Variants in PLEKHM3 observed in about 807,000 individuals in gnomAD.
PLEKHM3 encodes pleckstrin homology domain containing M3.
In PLEKHM3, 45 loss-of-function variants were observed where a neutral mutation model predicts 81.8. The ratio of observed to expected loss-of-function variants is 0.55; its 90% CI spans 0.43 to 0.71. The LOEUF (loss-of-function observed/expected upper bound fraction) is 0.71, where lower values mean the gene tolerates loss of function less well. Ranked by LOEUF, PLEKHM3 falls within the 30% of genes least tolerant of loss-of-function variation. PLEKHM3 has a pLI of 0.00. For synonymous variants in PLEKHM3, 352 were observed against 356.4 expected (o/e 0.99, Z 0.14); for missense variants, 788 against 924.3 (o/e 0.85, Z 1.91).
intron 4 of PLEKHM3, among the ~76,000 whole-genome samples, chr2:207,942,993 T>C (rs1419690619): frequency 1.3e-5 from 2 of 152,102 alleles, no homozygotes; most frequent in Non-Finnish European, 2.9e-5. Flanking sequence ...ATTGATCTCA[T>C]GGAGGTAGTG....
chr2:207,941,009 G>C (rs1689922734), intron 4 of PLEKHM3, among the ~76,000 whole-genome samples: 2 of 152,200 alleles, frequency 1.3e-5, no homozygotes, highest in Admixed American at 6.5e-5. Context: ...CATATGCTGA[G>C]AATACTTAGG....
intron 6 of PLEKHM3, among the ~76,000 whole-genome samples, chr2:207,882,008 G>A (rs966780289): frequency 8.5e-5 from 13 of 152,150 alleles, no homozygotes; most frequent in Non-Finnish European, 1.6e-4. Flanking sequence ...GCATCCTGGG[G>A]TTAACTCTGG....
In PLEKHM3 at chr2:207,943,902, A is replaced by T. The variant is rs535788078; in HGVS notation, c.1692+2465T>A. Among the ~76,000 whole-genome samples, 3 of 150,668 alleles carry T rather than the reference A, an allele frequency of 2.0e-5. No individual in the cohort carries two copies. The South Asian group carries it at 6.3e-4, about 32-fold the overall frequency. On this transcript the variant is annotated intron_variant, in intron 4 of 7. Coordinates refer to ENST00000427836, the MANE Select transcript of PLEKHM3 (RefSeq NM_001080475.3). ...AAAAAAAAAAAAAAAGAAATGCTGTACCATATAGCTAACCAATTTATATAT... is the reference window on the plus strand; with the variant it reads ...AAAAAAAAAAAAAAAGAAATGCTGTTCCATATAGCTAACCAATTTATATAT...
rs191253407 is a variant in PLEKHM3 at position 207,939,584 on chromosome 2, C to T, written c.1692+6783G>A. Reference sequence around the variant, plus strand: ...TAACCATAACTGAGGGCTTATGATGCGCCACACCCTGTGCCAGGTGCTTTC... The same window carrying T: ...TAACCATAACTGAGGGCTTATGATGTGCCACACCCTGTGCCAGGTGCTTTC... On this transcript the variant is annotated intron_variant, in intron 4 of 7. Transcript: ENST00000427836. Among the ~76,000 whole-genome samples the T allele has an allele frequency of 1.6e-3, 247 of 152,248 alleles. 1 individual carries two copies. The highest frequency in any genetic ancestry group is 5.6e-3 in the African/African-American group (233 of 41,528).
Position 207,828,177 on chromosome 2 carries a change from T to A in PLEKHM3, c.*142A>T. 1.6e-6 allele frequency: 1 copy of A among 620,878 alleles called. No homozygotes were observed. The highest frequency in any genetic ancestry group is 2.5e-6 in the Non-Finnish European group (1 of 394,068). 38.5% of individuals were successfully genotyped at this position (620,878 alleles called of 1,614,324 possible). On this transcript the variant is annotated 3_prime_UTR_variant, in exon 8 of 8. Transcript: ENST00000427836. ...CAGGACGTATAGGTATTTGCGTATA[T>A]ATAAATAAATATATATATCTATATC...
intron 6 of PLEKHM3, among the ~76,000 whole-genome samples, chr2:207,886,192 T>C (rs560966036): frequency 9.2e-5 from 14 of 152,228 alleles, no homozygotes; most frequent in African/African-American, 3.1e-4. Flanking sequence ...AAACTAAATA[T>C]ATGTGATATT....
chr2:207,901,118 T>G, intron 6 of PLEKHM3: 4 of 615,680 alleles, frequency 6.5e-6, no homozygotes, highest in Middle Eastern at 4.3e-4. Context: ...TCAACTGAGC[T>G]CCTTCTCACC....
rs746708061 is a variant in PLEKHM3 at position 207,977,125 on chromosome 2, G to A, written c.1072C>T (p.Gln358Ter). Residue 358 changes from glutamine to a stop codon, truncating the protein, a stop_gained, in exon 3 of 8, where the codon CAG becomes TAG. Coordinates refer to ENST00000427836, the MANE Select transcript of PLEKHM3 (RefSeq NM_001080475.3). LOFTEE classifies it high-confidence loss of function. Reference protein sequence around the residue: ...PPSPVLDSSKQYQNILKSGTL... With the variant: ...PPSPVLDSSK ...CCTGATTTGAGGATGTTTTGGTACT[G>A]TTTGGAGCTGTCCAGGACAGGGGAC... 2.5e-6 allele frequency: 4 copies of A among 1,614,228 alleles called. No individual in the cohort carries two copies. The highest frequency in any genetic ancestry group is 1.7e-5 in the Admixed American group (1 of 60,036).
At chr2:207,857,331 CTTTG>C (rs1447074741) in intron 7 of PLEKHM3, among the ~76,000 whole-genome samples, 1 of 152,108 alleles carries the variant, frequency 6.6e-6, no homozygotes, top group Non-Finnish European at 1.5e-5. Flanking sequence ...TCTGGACACT[CTTTG>C]TTATCTGATA....
chr2:207,835,185 C>G (rs184454646), intron 7 of PLEKHM3, among the ~76,000 whole-genome samples: 1 of 152,012 alleles, frequency 6.6e-6, no homozygotes, highest in Non-Finnish European at 1.5e-5. Flanking sequence ...CCTTGTGATC[C>G]GCCCGCCTTG....
At chr2:207,921,468 TTAGCACATC>T (rs1689181450) in intron 5 of PLEKHM3, among the ~76,000 whole-genome samples, 2 of 152,162 alleles carry the variant, frequency 1.3e-5, no homozygotes, top group Non-Finnish European at 2.9e-5. Flanking sequence ...ATCAGGGTAA[TTAGCACATC>T]TATCATCTCA....
chr2:207,931,026 C>G lies in PLEKHM3; in HGVS notation c.1786G>C (p.Glu596Gln), dbSNP rs1689578830. 4 of 1,614,116 alleles carry G rather than the reference C, an allele frequency of 2.5e-6. No individual in the cohort carries two copies. Among genetic ancestry groups the G allele is most frequent in the East Asian group, 2.2e-5 (1 of 44,878 alleles). The change falls in exon 5 of 8, where the codon GAG (glutamate) becomes CAG (glutamine). Residue 596 changes from glutamate to glutamine, a missense_variant. Coordinates refer to ENST00000427836, the MANE Select transcript of PLEKHM3 (RefSeq NM_001080475.3). ...AGCCGCAGCACGGCGGCCAGCGGCTCTGCGTGGTGGTACAGCATGGCGTTC... is the reference window on the plus strand; with the variant it reads ...AGCCGCAGCACGGCGGCCAGCGGCTGTGCGTGGTGGTACAGCATGGCGTTC... ...QENAMLYHHA[E>Q]PLAAVLRLRQ...
In PLEKHM3 at chr2:207,975,899, AT is replaced by A. The variant is rs3057251; in HGVS notation, c.1546+751del. Among the ~76,000 whole-genome samples the A allele has an allele frequency of 5.5e-3, 770 of 140,050 alleles. 3 individuals carry two copies. Among genetic ancestry groups the A allele is most frequent in the African/African-American group, 0.016 (618 of 38,254 alleles). 91.9% of individuals were successfully genotyped at this position (140,050 alleles called of 152,430 possible). ...GGTGTGAGCCACTGCACCTGGCACAATTTTTTTTTTTTTTTTTGGTAATTTT... is the reference window on the plus strand; with the variant it reads ...GGTGTGAGCCACTGCACCTGGCACAATTTTTTTTTTTTTTTTGGTAATTTT... On this transcript the variant is annotated intron_variant, in intron 3 of 7. Transcript: ENST00000427836.
chr2:207,877,079 GA>G (rs1445566074), intron 6 of PLEKHM3, among the ~76,000 whole-genome samples: 3 of 152,150 alleles, frequency 2.0e-5, no homozygotes, highest in African/African-American at 7.2e-5. Context: ...ACCTGCCTTA[GA>G]CTTGGCCCGA....
chr2:207,898,896 A>C (rs1227597349), intron 6 of PLEKHM3, among the ~76,000 whole-genome samples: 1 of 152,158 alleles, frequency 6.6e-6, no homozygotes, highest in African/African-American at 2.4e-5. Flanking sequence ...AACCTGTCTC[A>C]AAAAAATAAA....
chr2:207,943,745 G>A lies in PLEKHM3; in HGVS notation c.1692+2622C>T, dbSNP rs1008569796. 2.9e-4 allele frequency among the ~76,000 whole-genome samples: 44 copies of A among 150,594 alleles called. 1 individual carries two copies. Among genetic ancestry groups the A allele is most frequent in the Non-Finnish European group, 4.9e-4 (33 of 67,244 alleles). The stretch of plus-strand genomic sequence containing the variant: ...TAGCCGGGCGTAGTGGCGGGCGCCT[G>A]TAGTCCCAGCTACTTGGGAGGCTGA... On this transcript the variant is annotated intron_variant, in intron 4 of 7. Transcript: ENST00000427836.
At chr2:207,876,282 G>C (rs1332603832) in intron 6 of PLEKHM3, among the ~76,000 whole-genome samples, 3 of 151,384 alleles carry the variant, frequency 2.0e-5, no homozygotes, top group African/African-American at 7.3e-5. Context: ...TATTTAAATT[G>C]TTAAAAAAAA....
intron 7 of PLEKHM3, among the ~76,000 whole-genome samples, chr2:207,855,832 G>A (rs2092434842): frequency 6.6e-6 from 1 of 152,144 alleles, no homozygotes; most frequent in Non-Finnish European, 1.5e-5. Context: ...ACACCCAAGA[G>A]GAGCCTAGGG....
chr2:207,953,090 A>C (rs1001280412), intron 3 of PLEKHM3, among the ~76,000 whole-genome samples: 12 of 152,220 alleles, frequency 7.9e-5, no homozygotes, highest in African/African-American at 2.7e-4. Flanking sequence ...ACAGCATCTC[A>C]AATAAAACTA....
Sources: allele counts gnomAD v4.1 joint callset (sites outside exome capture counted in the v4.1 genomes callset), GRCh38; gene constraint gnomAD v4.1.1; transcripts MANE v1.5; gene names NCBI Gene and HGNC (gene_info 2026-07-23, HGNC 2026-07-21).